Variants in CMC1 observed in about 807,000 individuals in gnomAD.
CMC1 encodes COX assembly mitochondrial protein homolog.
Under a neutral mutation model 14.1 loss-of-function variants are expected in CMC1, and 14 were observed. That is an observed-to-expected ratio of 0.99 (90% CI 0.66 to 1.55). The LOEUF (loss-of-function observed/expected upper bound fraction) is 1.55. Ranked by LOEUF, CMC1 falls within the 40% of genes most tolerant of loss-of-function variation. The pLI is 0.00. For missense variants in CMC1, 127 were observed against 123.8 expected (o/e 1.03, Z -0.12); for synonymous variants, 50 against 38.4 (o/e 1.30, Z -1.12).
Position 28,320,295 on chromosome 3 carries a change from T to G in CMC1, c.*666T>G, listed in dbSNP as rs1401319458. The stretch of plus-strand genomic sequence containing the variant: ...AGACCAGGTAATTTATAAGAAAAGT[T>G]TGTTTGGCTCACAGTTCTGGAGTTT... On this transcript the variant is annotated 3_prime_UTR_variant, in exon 4 of 4. Transcript: ENST00000466830. 6 of 151,628 alleles carry G rather than the reference T, an allele frequency of 4.0e-5. No homozygotes were observed. Among genetic ancestry groups the G allele is most frequent in the African/African-American group, 1.5e-4 (6 of 41,372 alleles). The allele number at this position is 151,628 out of a possible 1,614,324, so 9.4% of individuals were successfully genotyped here.
chr3:28,269,870 A>G (rs986199253), intron 2 of CMC1, among the ~76,000 whole-genome samples: 2 of 152,098 alleles, frequency 1.3e-5, no homozygotes, highest in East Asian at 1.9e-4. Flanking sequence ...TGGCCAATCC[A>G]TACCTAAGTA....
At chr3:28,293,214 G>C (rs569705357) in intron 2 of CMC1, among the ~76,000 whole-genome samples, 1 of 152,184 alleles carries the variant, frequency 6.6e-6, no homozygotes, top group Admixed American at 6.5e-5. Flanking sequence ...ATTAAAGACT[G>C]TGGTTGTTCT....
intron 1 of CMC1, among the ~76,000 whole-genome samples, chr3:28,248,740 A>G (rs1027774614): frequency 8.5e-5 from 13 of 152,146 alleles, no homozygotes; most frequent in Admixed American, 8.5e-4. Flanking sequence ...AAATAAAACT[A>G]TTGATACCCA....
At chr3:28,271,034 GA>G (rs1559412939) in intron 2 of CMC1, among the ~76,000 whole-genome samples, 1 of 149,776 alleles carries the variant, frequency 6.7e-6, no homozygotes, top group East Asian at 2.0e-4. Flanking sequence ...AGGTTCAAGC[GA>G]TTCTCCTGCC....
chr3:28,313,821 A>G (rs1010939478), intron 2 of CMC1, among the ~76,000 whole-genome samples: 3 of 152,222 alleles, frequency 2.0e-5, no homozygotes, highest in Non-Finnish European at 2.9e-5. Flanking sequence ...CTATTTATCT[A>G]AGTAAGTTAA....
chr3:28,249,945 G>A (rs1168073019), intron 1 of CMC1, among the ~76,000 whole-genome samples: 1 of 152,162 alleles, frequency 6.6e-6, no homozygotes, highest in Non-Finnish European at 1.5e-5. Flanking sequence ...TGAGCGGGGA[G>A]GGATGGGGGA....
intron 1 of CMC1, among the ~76,000 whole-genome samples, chr3:28,250,787 C>G (rs1027444726): frequency 6.6e-6 from 1 of 152,142 alleles, no homozygotes; most frequent in Admixed American, 6.5e-5. Context: ...TAAACACTAT[C>G]TTTAAAGGTG....
intron 2 of CMC1, among the ~76,000 whole-genome samples, chr3:28,305,599 A>G (rs146748615): frequency 1.3e-5 from 2 of 152,010 alleles, no homozygotes. Context: ...ATAGTTTGCA[A>G]GTATTTTCTC....
chr3:28,281,342 ATAT>A (rs1299187787), intron 2 of CMC1, among the ~76,000 whole-genome samples: 5 of 152,224 alleles, frequency 3.3e-5, no homozygotes, highest in Non-Finnish European at 7.3e-5. Flanking sequence ...AGTGTTGGTA[ATAT>A]TGGCAATTTT....
At chr3:28,269,396 A>G (rs1700163904) in intron 2 of CMC1, among the ~76,000 whole-genome samples, 1 of 152,210 alleles carries the variant, frequency 6.6e-6, no homozygotes, top group African/African-American at 2.4e-5. Flanking sequence ...TAAAATGGCT[A>G]GTTTTCTTCT....
chr3:28,309,857 A>T (rs1354439583), intron 2 of CMC1, among the ~76,000 whole-genome samples: 4 of 128,054 alleles, frequency 3.1e-5, no homozygotes, highest in Admixed American at 8.4e-5. Context: ...ACACACACAC[A>T]CACAAGCTAA....
At chr3:28,247,598 A>C (rs574198203) in intron 1 of CMC1, among the ~76,000 whole-genome samples, 1 of 152,364 alleles carries the variant, frequency 6.6e-6, no homozygotes, top group African/African-American at 2.4e-5. Flanking sequence ...ATGCTCCAAC[A>C]TTCTCTGCTG....
Position 28,241,790 on chromosome 3 carries a change from C to G in CMC1, c.-4C>G, listed in dbSNP as rs1576952294. ...AGCGGCTACGTTCTTCTCGGCCCGC[C>G]GAGATGGCGCTCGACCCCGCAGGTA... On this transcript the variant is annotated 5_prime_UTR_variant, in exon 1 of 4. Coordinates refer to ENST00000466830, the MANE Select transcript of CMC1 (RefSeq NM_182523.2). 2 of 1,240,814 alleles carry G rather than the reference C, an allele frequency of 1.6e-6. No individual in the cohort carries two copies. The highest frequency in any genetic ancestry group is 1.6e-5 in the African/African-American group (1 of 64,472). 76.9% of individuals were successfully genotyped at this position (1,240,814 alleles called of 1,614,324 possible).
chr3:28,297,907 A>G (rs1701825264), intron 2 of CMC1, among the ~76,000 whole-genome samples: 1 of 151,788 alleles, frequency 6.6e-6, no homozygotes, highest in Non-Finnish European at 1.5e-5. Flanking sequence ...TTATGTATTT[A>G]TATGTATATA....
intron 2 of CMC1, among the ~76,000 whole-genome samples, chr3:28,287,660 A>T (rs903622576): frequency 2.0e-5 from 3 of 151,970 alleles, no homozygotes; most frequent in Admixed American, 1.3e-4. Context: ...CCTTCGAAAG[A>T]TGCTATAAAC....
Position 28,316,411 on chromosome 3 carries a change from G to A in CMC1, c.188G>A (p.Cys63Tyr), listed in dbSNP as rs1702923688. Reference protein sequence around the residue: ...CRKENSALKECLTAYYNDPAF... With the variant: ...CRKENSALKEYLTAYYNDPAF... ...AAAGAAAATTCTGCATTGAAAGAAT[G>A]TCTAACTGCTTAGTAAGTAGTTGTC... Residue 63 changes from cysteine to tyrosine, a missense_variant, in exon 3 of 4, where the codon TGT becomes TAT. By Grantham distance (194) the Cys-to-Tyr change is radical. Transcript: ENST00000466830. The A allele has an allele frequency of 1.2e-5, 19 of 1,588,854 alleles. No homozygotes were observed. Among genetic ancestry groups the A allele is most frequent in the Non-Finnish European group, 1.5e-5 (18 of 1,164,642 alleles).
chr3:28,302,029 C>A (rs1702077548), intron 2 of CMC1, among the ~76,000 whole-genome samples: 1 of 152,104 alleles, frequency 6.6e-6, no homozygotes, highest in Non-Finnish European at 1.5e-5. Context: ...ATTAAGTGAC[C>A]TCTAAAGGCC....
chr3:28,241,622 C>T lies in CMC1; in HGVS notation c.-172C>T. 1 of 1,231,680 alleles carries T rather than the reference C, an allele frequency of 8.1e-7. No individual in the cohort carries two copies. Among genetic ancestry groups the T allele is most frequent in the South Asian group, 4.3e-5 (1 of 23,496 alleles). The allele number at this position is 1,231,680 out of a possible 1,614,324, so 76.3% of individuals were successfully genotyped here. On this transcript the variant is annotated 5_prime_UTR_variant, in exon 1 of 4. Coordinates refer to ENST00000466830, the MANE Select transcript of CMC1 (RefSeq NM_182523.2). Reference sequence around the variant, plus strand: ...CGCAACGGGCGGCGGAAGTAGGAGCCTGGGAAGGAAGAGGGAACGGGTCCT... The same window carrying T: ...CGCAACGGGCGGCGGAAGTAGGAGCTTGGGAAGGAAGAGGGAACGGGTCCT...
chr3:28,278,967 C>T (rs935577588), intron 2 of CMC1, among the ~76,000 whole-genome samples: 1 of 152,120 alleles, frequency 6.6e-6, no homozygotes, highest in African/African-American at 2.4e-5. Context: ...CTTTATATTA[C>T]CTAAACTTAG....
Sources: gnomAD v4.1 joint callset for allele counts (sites outside exome capture counted in the v4.1 genomes callset) on GRCh38, gnomAD v4.1.1 for gene constraint, MANE v1.5 for transcripts, NCBI Gene and HGNC (gene_info 2026-07-23, HGNC 2026-07-21) for gene names.